The following RGMA variants were observed in gnomAD, a reference collection of about 807,000 sequenced individuals.
The protein encoded by RGMA is repulsive guidance molecule A.
RGMA carries 10 observed loss-of-function variants against 23.2 expected under a neutral mutation model. That is an observed-to-expected ratio of 0.43 (90% CI 0.27 to 0.73). The LOEUF is 0.73. Among genes scored for constraint, RGMA ranks in the 30% least tolerant of loss-of-function variants. RGMA has a pLI of 0.20. For missense variants in RGMA, 547 were observed against 630.5 expected, an observed-to-expected ratio of 0.87 and a Z score of 1.42; for synonymous variants, 308 against 279.3, an observed-to-expected ratio of 1.10 and a Z score of -1.03.
chr15:93,056,555 C>A (rs1039224896), intron 2 of RGMA, among the ~76,000 whole-genome samples: 5 of 152,196 alleles, frequency 3.3e-5, no homozygotes, highest in Admixed American at 2.6e-4. Context: ...AGAGGTCACA[C>A]TCTGGAACCG....
chr15:93,088,681 G>A, intron 1 of RGMA: 1 of 840,592 alleles, frequency 1.2e-6, no homozygotes, highest in Non-Finnish European at 1.7e-6. Context: ...ACGCGCGCTG[G>A]CGGCTGCCCG....
intron 1 of RGMA, among the ~76,000 whole-genome samples, chr15:93,085,440 C>A (rs979596282): frequency 7.2e-5 from 11 of 152,136 alleles, no homozygotes; most frequent in African/African-American, 2.7e-4. Context: ...CTGGGAAATC[C>A]AGTATTTTGC....
At chr15:93,074,694 T>A (rs540524588) in intron 1 of RGMA, among the ~76,000 whole-genome samples, 1 of 152,258 alleles carries the variant, frequency 6.6e-6, no homozygotes, top group African/African-American at 2.4e-5. Flanking sequence ...AAGCCCACCA[T>A]CGAAAATGCT....
Position 93,043,448 on chromosome 15 carries a change from C to T in RGMA, c.*1550G>A, listed in dbSNP as rs1444192193. 1 of 152,502 alleles carries T rather than the reference C, an allele frequency of 6.6e-6. No homozygotes were observed. Among genetic ancestry groups the T allele is most frequent in the African/African-American group, 2.4e-5 (1 of 41,448 alleles). 9.4% of individuals were successfully genotyped at this position (152,502 alleles called of 1,614,324 possible). A position where few individuals can be genotyped will look rare whatever the true frequency, so the allele number is the denominator to read the frequency against. On this transcript the variant is annotated 3_prime_UTR_variant, in exon 4 of 4. Transcript: ENST00000329082. ...AAAACCAAACTTTACTTGCATTTAG[C>T]CATTAATAAATAATTTACAGTATGT...
intron 2 of RGMA, among the ~76,000 whole-genome samples, chr15:93,071,565 G>A (rs73460328): frequency 0.013 from 1,993 of 152,288 alleles, 45 homozygotes; most frequent in African/African-American, 0.045. Context: ...GAGTAAGCCG[G>A]ACGCACAAGT....
chr15:93,062,834 G>T (rs191663851), intron 2 of RGMA: 1,586 of 152,562 alleles, frequency 0.01, 27 homozygotes, highest in African/African-American at 0.037. Context: ...CTGGCTGCAG[G>T]GGTGGAAGCT....
At chr15:93,055,021 C>T (rs1462882021) in intron 2 of RGMA, among the ~76,000 whole-genome samples, 1 of 152,156 alleles carries the variant, frequency 6.6e-6, no homozygotes, top group African/African-American at 2.4e-5. Context: ...TGGAGGGACC[C>T]AGCACACAGG....
At position 93,074,026 on chromosome 15, in the gene RGMA, G is replaced by C. The variant is rs114374806; in HGVS notation, c.15-995C>G. On this transcript the variant is annotated intron_variant, in intron 1 of 3. Coordinates refer to ENST00000329082, the MANE Select transcript of RGMA (RefSeq NM_020211.3). ...CTCTGTCGCTTATTTTTCTGGGAAAGAAACATCTCCTTCCCAAGGTTCCCT... is the reference window on the plus strand; with the variant it reads ...CTCTGTCGCTTATTTTTCTGGGAAACAAACATCTCCTTCCCAAGGTTCCCT... The C allele has an allele frequency of 4.6e-3, 6,373 of 1,378,834 alleles. 197 individuals are homozygous for C. In the African/African-American group the frequency reaches 0.078, roughly 17 times the overall value. 85.4% of individuals were successfully genotyped at this position (1,378,834 alleles called of 1,614,324 possible).
intron 2 of RGMA, among the ~76,000 whole-genome samples, chr15:93,061,447 GCC>G (rs1401783485): frequency 6.6e-6 from 1 of 152,198 alleles, no homozygotes; most frequent in Non-Finnish European, 1.5e-5. Flanking sequence ...ACCACGCCTG[GCC>G]CCTATCAGAG....
chr15:93,061,065 C>T (rs932366456), intron 2 of RGMA, among the ~76,000 whole-genome samples: 9 of 152,244 alleles, frequency 5.9e-5, no homozygotes, highest in Non-Finnish European at 1.0e-4. Flanking sequence ...GGCCGCTGAG[C>T]GGCCTCTTCC....
intron 2 of RGMA, among the ~76,000 whole-genome samples, chr15:93,071,973 G>A (rs1206860842): frequency 2.0e-5 from 3 of 152,152 alleles, no homozygotes; most frequent in Non-Finnish European, 2.9e-5. Context: ...TGTATTTTTA[G>A]CAAGAAAAAA....
chr15:93,061,429 C>T (rs1170025076), intron 2 of RGMA, among the ~76,000 whole-genome samples: 7 of 152,186 alleles, frequency 4.6e-5, no homozygotes, highest in Non-Finnish European at 1.0e-4. Flanking sequence ...GGATTACCGG[C>T]ATGAGCCACC....
intron 2 of RGMA, among the ~76,000 whole-genome samples, chr15:93,056,977 T>G (rs377368808): frequency 6.6e-6 from 1 of 152,122 alleles, no homozygotes; most frequent in Non-Finnish European, 1.5e-5. Flanking sequence ...AGGAGGGGCA[T>G]TGGAGGGAGC....
chr15:93,087,581 ACT>A (rs1481852809), intron 1 of RGMA, among the ~76,000 whole-genome samples: 1 of 151,010 alleles, frequency 6.6e-6, no homozygotes, highest in Non-Finnish European at 1.5e-5. Flanking sequence ...GAGCACAGTT[ACT>A]CTCTTTTCTA....
In RGMA at chr15:93,070,930, G is replaced by C. The variant is rs190002963; in HGVS notation, c.130+1986C>G. Among the ~76,000 whole-genome samples the C allele has an allele frequency of 1.0e-3, 152 of 152,344 alleles. 1 individual carries two copies. Among genetic ancestry groups the C allele is most frequent in the Admixed American group, 3.9e-3 (59 of 15,308 alleles). On this transcript the variant is annotated intron_variant, in intron 2 of 3. Transcript: ENST00000329082. ...CTTTAAAATAAAAGTTTTTAGGATGGAGAAATAAATCGAGAAACAACAAAA... is the reference window on the plus strand; with the variant it reads ...CTTTAAAATAAAAGTTTTTAGGATGCAGAAATAAATCGAGAAACAACAAAA...
chr15:93,049,361 AAACT>A (rs2054880410), intron 3 of RGMA, among the ~76,000 whole-genome samples: 2 of 152,188 alleles, frequency 1.3e-5, no homozygotes. Context: ...GCTATGGGGA[AAACT>A]AACCAGCGGG....
intron 2 of RGMA, chr15:93,065,775 C>T (rs1378601566): frequency 1.8e-5 from 20 of 1,096,822 alleles, no homozygotes; most frequent in East Asian, 5.7e-5. Flanking sequence ...CCCCACCTTC[C>T]GTGGTAGGCT....
rs927691308 is a variant in RGMA at position 93,083,917 on chromosome 15, C to T, written c.14+5002G>A. Among the ~76,000 whole-genome samples, 6 of 152,022 alleles carry T rather than the reference C, an allele frequency of 3.9e-5. No individual in the cohort carries two copies. The South Asian group carries it at 8.3e-4, about 21-fold the overall frequency. On this transcript the variant is annotated intron_variant, in intron 1 of 3. Transcript: ENST00000329082. Reference sequence around the variant, plus strand: ...TTCCCTTGTATCAATAAATGGGAGCCCACCTAGGAAAATGCAATTGCACAA... The same window carrying T: ...TTCCCTTGTATCAATAAATGGGAGCTCACCTAGGAAAATGCAATTGCACAA...
At chr15:93,074,402 C>T (rs759127210) in intron 1 of RGMA, among the ~76,000 whole-genome samples, 22 of 152,070 alleles carry the variant, frequency 1.4e-4, no homozygotes, top group Non-Finnish European at 2.9e-4. Flanking sequence ...GGGAGAAGGC[C>T]CTATGGCTGT....
Sources: allele counts gnomAD v4.1 joint callset (sites outside exome capture counted in the v4.1 genomes callset), GRCh38; gene constraint gnomAD v4.1.1; transcripts MANE v1.5; gene names NCBI Gene and HGNC (gene_info 2026-07-23, HGNC 2026-07-21).